Variants in GPC6 observed in about 807,000 individuals in gnomAD.
The protein encoded by GPC6 is glypican-6.
Under a neutral mutation model 55.2 loss-of-function variants are expected in GPC6, and 14 were observed. That is an observed-to-expected ratio of 0.25 (90% CI 0.17 to 0.40). The LOEUF (loss-of-function observed/expected upper bound fraction) is 0.40. Among genes scored for constraint, GPC6 ranks in the 10% least tolerant of loss-of-function variants. GPC6 has a pLI of 1.00. For missense variants in GPC6, 641 were observed against 708.5 expected (o/e 0.90, Z 1.08); for synonymous variants, 278 against 259.6 (o/e 1.07, Z -0.68).
chr13:93,976,424 C>T (rs1469683479), intron 3 of GPC6, among the ~76,000 whole-genome samples: 1 of 151,360 alleles, frequency 6.6e-6, no homozygotes, highest in Non-Finnish European at 1.5e-5. Flanking sequence ...TAGATAAGAA[C>T]ATAAAAGAAA....
At chr13:94,040,765 A>T (rs906665988) in intron 4 of GPC6, among the ~76,000 whole-genome samples, 1 of 151,826 alleles carries the variant, frequency 6.6e-6, no homozygotes, top group Non-Finnish European at 1.5e-5. Flanking sequence ...CCTAACTCAC[A>T]TAGGAGTCTT....
At chr13:93,259,789 G>A (rs1877074081) in intron 1 of GPC6, among the ~76,000 whole-genome samples, 1 of 151,898 alleles carries the variant, frequency 6.6e-6, no homozygotes, top group African/African-American at 2.4e-5. Context: ...CCCATTTAAT[G>A]ATTTTTTTAA....
intron 1 of GPC6, among the ~76,000 whole-genome samples, chr13:93,359,559 A>G: frequency 6.6e-6 from 1 of 152,320 alleles, no homozygotes; most frequent in South Asian, 2.1e-4. Flanking sequence ...GAATGTGCAA[A>G]CTGCAATGGG....
chr13:94,224,533 CA>C (rs1890487270), intron 4 of GPC6, among the ~76,000 whole-genome samples: 1 of 151,488 alleles, frequency 6.6e-6, no homozygotes, highest in Non-Finnish European at 1.5e-5. Context: ...GATTAGGAAA[CA>C]AAAAGAAGTC....
chr13:94,001,772 A>T (rs2140425330), intron 3 of GPC6, among the ~76,000 whole-genome samples: 1 of 152,330 alleles, frequency 6.6e-6, no homozygotes, highest in East Asian at 1.9e-4. Flanking sequence ...GAACCATCAA[A>T]AAGAAACTGC....
intron 4 of GPC6, among the ~76,000 whole-genome samples, chr13:94,220,674 G>A (rs1052474057): frequency 6.6e-6 from 1 of 152,060 alleles, no homozygotes; most frequent in African/African-American, 2.4e-5. Flanking sequence ...GGTAGTAGGG[G>A]TCGGTTCTAG....
chr13:93,991,765 A>C (rs565636453), intron 3 of GPC6, among the ~76,000 whole-genome samples: 1 of 152,248 alleles, frequency 6.6e-6, no homozygotes, highest in Non-Finnish European at 1.5e-5. Context: ...CTGTCAAGTG[A>C]AATTGCTTGG....
intron 1 of GPC6, among the ~76,000 whole-genome samples, chr13:93,331,762 G>A (rs890646968): frequency 2.0e-5 from 3 of 151,868 alleles, no homozygotes; most frequent in Non-Finnish European, 4.4e-5. Flanking sequence ...TCTGTTAATG[G>A]TTAACTGTAG....
At chr13:94,229,692 C>T (rs756044611) in intron 4 of GPC6, among the ~76,000 whole-genome samples, 1 of 152,168 alleles carries the variant, frequency 6.6e-6, no homozygotes, top group Non-Finnish European at 1.5e-5. Context: ...GACTTACAAA[C>T]AACCAGACCT....
chr13:93,802,315 C>T (rs1384276895), intron 2 of GPC6, among the ~76,000 whole-genome samples: 1 of 151,960 alleles, frequency 6.6e-6, no homozygotes, highest in East Asian at 1.9e-4. Context: ...GGATACTCAA[C>T]TGTTATTTTT....
chr13:94,257,612 A>T (rs533192415), intron 4 of GPC6, among the ~76,000 whole-genome samples: 1 of 152,274 alleles, frequency 6.6e-6, no homozygotes, highest in Non-Finnish European at 1.5e-5. Flanking sequence ...AATAGACCAA[A>T]GCGAGCCTCT....
intron 3 of GPC6, among the ~76,000 whole-genome samples, chr13:93,877,821 A>C (rs1192790251): frequency 6.6e-6 from 1 of 152,034 alleles, no homozygotes; most frequent in East Asian, 1.9e-4. Context: ...GTCTTATGTG[A>C]TAAAATCCTT....
At chr13:93,840,596 C>T (rs559765323) in intron 3 of GPC6, among the ~76,000 whole-genome samples, 8 of 152,064 alleles carry the variant, frequency 5.3e-5, no homozygotes, top group Non-Finnish European at 1.0e-4. Flanking sequence ...CTCCTCTTTA[C>T]CTATTTTTGT....
At chr13:94,028,449 G>C (rs1266735829) in intron 4 of GPC6, among the ~76,000 whole-genome samples, 1 of 151,608 alleles carries the variant, frequency 6.6e-6, no homozygotes, top group African/African-American at 2.4e-5. Flanking sequence ...GAAAACAAAA[G>C]TAATCTTGTT....
chr13:93,547,172 T>C (rs1472792206), intron 2 of GPC6, among the ~76,000 whole-genome samples: 1 of 19,668 alleles, frequency 5.1e-5, no homozygotes, highest in Non-Finnish European at 1.0e-4. Context: ...CTACTAAAAA[T>C]ACAAAAAAAA....
At chr13:93,797,549 G>A (rs1766178851) in intron 2 of GPC6, among the ~76,000 whole-genome samples, 1 of 152,100 alleles carries the variant, frequency 6.6e-6, no homozygotes, top group Admixed American at 6.6e-5. Flanking sequence ...AATGAGCAAG[G>A]GAATTAGTGA....
intron 3 of GPC6, among the ~76,000 whole-genome samples, chr13:93,937,261 T>G (rs1878483068): frequency 6.6e-6 from 1 of 152,198 alleles, no homozygotes; most frequent in Non-Finnish European, 1.5e-5. Context: ...CTCCAAAATA[T>G]CCAAGATTCA....
chr13:93,699,505 A>G (rs988281567), intron 2 of GPC6, among the ~76,000 whole-genome samples: 1 of 152,096 alleles, frequency 6.6e-6, no homozygotes, highest in African/African-American at 2.4e-5. Context: ...TTAAAGTGTC[A>G]TCTTGATAGA....
intron 1 of GPC6, among the ~76,000 whole-genome samples, chr13:93,523,268 T>A (rs895933992): frequency 2.9e-4 from 44 of 150,574 alleles, no homozygotes; most frequent in African/African-American, 1.1e-3. Flanking sequence ...GATAATATTG[T>A]GTATATTTAT....
Sources: allele counts gnomAD v4.1 joint callset (sites outside exome capture counted in the v4.1 genomes callset), GRCh38; gene constraint gnomAD v4.1.1; transcripts MANE v1.5; gene names NCBI Gene and HGNC (gene_info 2026-07-23, HGNC 2026-07-21).